The following CYGB variants were observed in gnomAD, a reference collection of about 807,000 sequenced individuals.
CYGB encodes the protein histoglobin.
In CYGB, 13 loss-of-function variants were observed where a neutral mutation model predicts 20.7. The ratio of observed to expected loss-of-function variants is 0.63; its 90% CI spans 0.41 to 1.00. The LOEUF (loss-of-function observed/expected upper bound fraction) is 1.00. CYGB is among the 50% of genes least tolerant of loss of function. The pLI, the probability that CYGB is intolerant of heterozygous loss-of-function variation, is 0.00. For missense variants in CYGB, 218 were observed against 257.2 expected, an observed-to-expected ratio of 0.85 and a Z score of 1.04; for synonymous variants, 93 against 107.4, an observed-to-expected ratio of 0.87 and a Z score of 0.83.
intron 1 of CYGB, chr17:76,544,452 T>C (rs2075030616): frequency 4.4e-6 from 2 of 455,022 alleles, no homozygotes; most frequent in East Asian, 6.9e-5. Flanking sequence ...GGGGAGGGCC[T>C]GCTGGTACCT....
Position 76,537,672 on chromosome 17 carries a change from G to A in CYGB, c.-130C>T, listed in dbSNP as rs927279331. 4 of 853,842 alleles carry A rather than the reference G, an allele frequency of 4.7e-6. No individual in the cohort carries two copies. In the African/African-American group the frequency reaches 5.5e-5, roughly 12 times the overall value. The allele number at this position is 853,842 out of a possible 1,614,324, so 52.9% of individuals were successfully genotyped here. Reference sequence around the variant, plus strand: ...GGCGGGCGAGGGGTAGAGCGCGGAGGGAGGGAGCGTGTGTCTGTGCGCGCC... The same window carrying A: ...GGCGGGCGAGGGGTAGAGCGCGGAGAGAGGGAGCGTGTGTCTGTGCGCGCC... On this transcript the variant is annotated 5_prime_UTR_variant, in exon 1 of 4. Coordinates refer to ENST00000293230, the MANE Select transcript of CYGB (RefSeq NM_134268.5).
chr17:76,544,499 T>C (rs1320667633), intron 1 of CYGB: 1 of 456,100 alleles, frequency 2.2e-6, no homozygotes, highest in Non-Finnish European at 4.4e-6. Flanking sequence ...AAGGCAGTTC[T>C]GTGGGAGCCT....
intron 1 of CYGB, chr17:76,542,769 C>G: frequency 1.5e-6 from 1 of 680,182 alleles, no homozygotes. Context: ...TCAAAGTAGG[C>G]GGATGGACTC....
upstream of CYGB, among the ~76,000 whole-genome samples, chr17:76,539,606 A>C (rs1321493684): frequency 1.3e-5 from 2 of 151,460 alleles, no homozygotes; most frequent in Non-Finnish European, 2.9e-5. Flanking sequence ...TCATTGCTTC[A>C]CCTCCATTCA....
intron 1 of CYGB, chr17:76,532,126 T>C (rs750177838): frequency 1.2e-5 from 2 of 165,158 alleles, no homozygotes; most frequent in Non-Finnish European, 2.7e-5. Flanking sequence ...AAGTCATGCT[T>C]ATGCTCAAAA....
At chr17:76,548,196 C>T (rs958967284) in intron 1 of CYGB, among the ~76,000 whole-genome samples, 2 of 151,892 alleles carry the variant, frequency 1.3e-5, no homozygotes, top group African/African-American at 4.8e-5. Context: ...TACACATTTA[C>T]ACACATACAG....
At chr17:76,548,272 A>T (rs2075075628) in intron 1 of CYGB, among the ~76,000 whole-genome samples, 1 of 152,190 alleles carries the variant, frequency 6.6e-6, no homozygotes, top group African/African-American at 2.4e-5. Flanking sequence ...ATACACATAA[A>T]CATACATACA....
upstream of CYGB, among the ~76,000 whole-genome samples, chr17:76,539,201 A>G (rs2074958312): frequency 6.6e-6 from 1 of 152,170 alleles, no homozygotes; most frequent in South Asian, 2.1e-4. Context: ...GGCTGGCTCC[A>G]TGCTCCACAC....
At chr17:76,540,257 G>C (rs78529481), upstream of CYGB, 31 of 1,159,346 alleles carry the variant, frequency 2.7e-5, 1 homozygote, top group South Asian at 2.8e-4. The surrounding 1 kb of genome is among the most constrained non-coding windows in gnomAD (Gnocchi z 5.0). Flanking sequence ...TGGTCGGGGG[G>C]GGGGGGCATG....
chr17:76,531,325 G>A lies in CYGB; in HGVS notation c.375+135C>T, dbSNP rs552555337. 8.0e-6 allele frequency: 10 copies of A among 1,246,732 alleles called. No homozygotes were observed. The highest frequency in any genetic ancestry group is 2.9e-5 in the South Asian group (2 of 68,466). The allele number at this position is 1,246,732 out of a possible 1,614,324, so 77.2% of individuals were successfully genotyped here. On this transcript the variant is annotated intron_variant, in intron 2 of 3. Coordinates refer to ENST00000293230, the MANE Select transcript of CYGB (RefSeq NM_134268.5). This position sits in a 1 kb window ranked among gnomAD's most constrained non-coding sequence, Gnocchi z 7.4. ...GACCCAGCCCCTCCATCCTGCTGCC[G>A]GGCACTGCCCCTCCCTCTCGCAGCC...
At position 76,531,924 on chromosome 17, in the gene CYGB, G is replaced by A. The variant is rs919489361; in HGVS notation, c.144-233C>T. 8.4e-6 allele frequency: 4 copies of A among 474,418 alleles called. No individual in the cohort carries two copies. Among genetic ancestry groups the A allele is most frequent in the East Asian group, 3.4e-5 (1 of 29,768 alleles). The allele number at this position is 474,418 out of a possible 1,614,324, so 29.4% of individuals were successfully genotyped here. Reference sequence around the variant, plus strand: ...ATCTGCCAGGCTTGCTCAGGCTGGCGGCTTCATCTCCTAGGCCTCTGTCTT... The same window carrying A: ...ATCTGCCAGGCTTGCTCAGGCTGGCAGCTTCATCTCCTAGGCCTCTGTCTT... On this transcript the variant is annotated intron_variant, in intron 1 of 3. Coordinates refer to ENST00000293230, the MANE Select transcript of CYGB (RefSeq NM_134268.5). This position sits in a 1 kb window ranked among gnomAD's most constrained non-coding sequence, Gnocchi z 7.4.
intron 1 of CYGB, among the ~76,000 whole-genome samples, chr17:76,548,582 T>C (rs938781523): frequency 6.6e-6 from 1 of 152,206 alleles, no homozygotes; most frequent in Non-Finnish European, 1.5e-5. Context: ...GTTTCCTCAT[T>C]TGATAAACAT....
At chr17:76,545,564 A>C in intron 1 of CYGB, 2 of 348,702 alleles carry the variant, frequency 5.7e-6, no homozygotes, top group South Asian at 4.3e-5. Flanking sequence ...AGAGTCCAAG[A>C]GCAAGGTGTC....
upstream of CYGB, among the ~76,000 whole-genome samples, chr17:76,541,309 C>A (rs939198447): frequency 2.6e-5 from 4 of 152,206 alleles, no homozygotes; most frequent in Non-Finnish European, 1.5e-5. Context: ...GGAGACCTGT[C>A]TGAAGAGTGA....
chr17:76,532,865 G>C, intron 1 of CYGB, among the ~76,000 whole-genome samples: 1 of 152,240 alleles, frequency 6.6e-6, no homozygotes, highest in East Asian at 1.9e-4. Flanking sequence ...TCCCCTCCCT[G>C]TCGGGGCTGG....
At chr17:76,539,778 G>A (rs949575020), upstream of CYGB, among the ~76,000 whole-genome samples, 6 of 152,166 alleles carry the variant, frequency 3.9e-5, no homozygotes, top group South Asian at 2.1e-4. Flanking sequence ...CCCTGTAGGC[G>A]CCTTGAATAA....
At chr17:76,536,475 C>A (rs1449912534) in intron 1 of CYGB, among the ~76,000 whole-genome samples, 5 of 152,210 alleles carry the variant, frequency 3.3e-5, no homozygotes, top group African/African-American at 1.2e-4. Context: ...TGGTCTGGGG[C>A]TCCTCTGCCT....
chr17:76,544,419 T>TG, intron 1 of CYGB: 1 of 454,438 alleles, frequency 2.2e-6, no homozygotes, highest in South Asian at 1.6e-5. Flanking sequence ...GCGCTCAGGG[T>TG]GGGGGAGGAG....
At chr17:76,544,799 G>C in intron 1 of CYGB, 1 of 456,790 alleles carries the variant, frequency 2.2e-6, no homozygotes, top group South Asian at 1.5e-5. Context: ...CCATTTCCGA[G>C]TTGCTCATCT....
Sources: gnomAD v4.1 joint callset for allele counts (sites outside exome capture counted in the v4.1 genomes callset) on GRCh38, gnomAD v4.1.1 for gene constraint, Gnocchi (gnomAD v3.1) non-coding constraint, MANE v1.5 for transcripts, NCBI Gene and HGNC (gene_info 2026-07-23, HGNC 2026-07-21) for gene names.